Variants in DOCK10 observed in about 807,000 individuals in gnomAD.
DOCK10 encodes dedicator of cytokinesis protein 10.
In DOCK10, 145 loss-of-function variants were observed where a neutral mutation model predicts 280.1. The ratio of observed to expected loss-of-function variants is 0.52; its 90% CI spans 0.45 to 0.59. The LOEUF is 0.59. DOCK10 is among the 20% of genes least tolerant of loss of function. DOCK10 has a pLI of 0.00. For missense variants in DOCK10, 2,368 were observed against 2,651.7 expected, an observed-to-expected ratio of 0.89 and a Z score of 2.35; for synonymous variants, 915 against 942.2, an observed-to-expected ratio of 0.97 and a Z score of 0.53.
At chr2:224,801,734 C>T (rs532716684) in intron 40 of DOCK10, among the ~76,000 whole-genome samples, 182 bp downstream of exon 40, 2 of 152,256 alleles carry the variant, frequency 1.3e-5, no homozygotes, top group South Asian at 4.1e-4. Context: ...TTGCCTCTCC[C>T]CTTTCTTCAC....
chr2:224,932,450 G>T (rs10498172), intron 1 of DOCK10, among the ~76,000 whole-genome samples: 44,505 of 151,938 alleles, frequency 0.29, 7,123 homozygotes, highest in Middle Eastern at 0.36. Flanking sequence ...AACTCATAAG[G>T]TGAGAAAAGT....
chr2:225,001,028 T>A (rs1706417872), intron 1 of DOCK10, among the ~76,000 whole-genome samples: 1 of 152,212 alleles, frequency 6.6e-6, no homozygotes, highest in East Asian at 1.9e-4. Flanking sequence ...GCTAATGATG[T>A]GTTAATTGGA....
intron 3 of DOCK10, among the ~76,000 whole-genome samples, chr2:224,916,406 T>C (rs1186128593): frequency 1.3e-5 from 2 of 152,112 alleles, no homozygotes; most frequent in African/African-American, 2.4e-5. Flanking sequence ...CCAGGTGTGA[T>C]GGCGTGTGCC....
intron 11 of DOCK10, among the ~76,000 whole-genome samples, chr2:224,872,530 C>T (rs1013541504): frequency 6.6e-6 from 1 of 152,074 alleles, no homozygotes; most frequent in Non-Finnish European, 1.5e-5. Context: ...TGCTCTACAC[C>T]TGGGGTAGGA....
rs776173881 is a variant in DOCK10, at chr2:224,773,272, T to G, written c.6089A>C (p.Glu2030Ala). The part of the protein sequence containing the change: ...SQSSTELNPI[E>A]VAIDEMSKKV... ...CTTGGACATCTCGTCAATTGCCACT[T>G]CAATTGGATTCAGTTCTGTGCTCGA... The change falls in exon 53 of 56, where the codon GAA (glutamate) becomes GCA (alanine). Residue 2030 changes from glutamate to alanine, a missense_variant. Around this residue, in one of 2 missense-constraint regions of DOCK10, gnomAD observed 1,159 missense variants for 1,400.8 expected, o/e 0.83. Transcript: ENST00000258390. 1.8e-5 allele frequency: 29 copies of G among 1,613,874 alleles called. No homozygotes were observed. Among genetic ancestry groups the G allele is most frequent in the Non-Finnish European group, 2.4e-5 (28 of 1,179,882 alleles).
intron 11 of DOCK10, among the ~76,000 whole-genome samples, chr2:224,865,929 C>T (rs1438830956): frequency 1.3e-5 from 2 of 151,580 alleles, no homozygotes; most frequent in Admixed American, 1.3e-4. Context: ...TAACAGTCAC[C>T]TATTATAACC....
intron 1 of DOCK10, among the ~76,000 whole-genome samples, chr2:224,974,607 GT>G (rs140045007): frequency 6.6e-6 from 1 of 150,752 alleles, no homozygotes; most frequent in Admixed American, 6.6e-5. Context: ...AAGCATACCA[GT>G]TTTTTTCTAT....
At chr2:224,894,101 T>G (rs776822362) in intron 4 of DOCK10, among the ~76,000 whole-genome samples, 3 of 152,260 alleles carry the variant, frequency 2.0e-5, no homozygotes, top group Non-Finnish European at 4.4e-5. Context: ...TTTCTTGGTA[T>G]TAACTTCCAC....
intron 1 of DOCK10, among the ~76,000 whole-genome samples, chr2:224,984,031 C>T (rs1242448537): frequency 6.6e-6 from 1 of 152,184 alleles, no homozygotes; most frequent in African/African-American, 2.4e-5. Flanking sequence ...GTGGGCTCCT[C>T]TGTTTGTGAA....
intron 7 of DOCK10, among the ~76,000 whole-genome samples, chr2:224,884,058 A>T (rs774517941): frequency 7.2e-5 from 11 of 152,192 alleles, no homozygotes; most frequent in Non-Finnish European, 1.6e-4. Flanking sequence ...TGTGACCAAC[A>T]GTAGAAAATA....
In DOCK10 at chr2:224,765,753, T is replaced by C. The variant is rs1690045328; in HGVS notation, c.6529A>G (p.Thr2177Ala). 6.2e-7 allele frequency: 1 copy of C among 1,613,790 alleles called. No individual in the cohort carries two copies. Among genetic ancestry groups the C allele is most frequent in the African/African-American group, 1.3e-5 (1 of 74,922 alleles). ...TCAGCACTAGATGAGATGGAGACCG[T>C]GGGTAGGGCCGGAGTTGCTTTGCTA... is the stretch of plus-strand genomic sequence containing the variant. ...VISKATPALP[T>A]VSISSSAEV is the part of the protein sequence containing the mutation. The change falls in exon 56 of 56, where the codon ACG becomes GCG. Residue 2177 changes from threonine (T) to alanine (A), a missense_variant. By Grantham distance (58) the Thr-to-Ala change is moderately conservative. Around this residue, in one of 2 missense-constraint regions of DOCK10, gnomAD observed 1,159 missense variants for 1,400.8 expected, o/e 0.83. Coordinates refer to ENST00000258390, the MANE Select transcript of DOCK10 (RefSeq NM_014689.3).
At chr2:225,032,436 A>T (rs879585983) in intron 1 of DOCK10, among the ~76,000 whole-genome samples, 1 of 152,236 alleles carries the variant, frequency 6.6e-6, no homozygotes, top group Non-Finnish European at 1.5e-5. Context: ...GTATGCCAAC[A>T]AACTTTATTA....
At chr2:224,826,417 T>A (rs1354388547) in intron 27 of DOCK10, among the ~76,000 whole-genome samples, 1 of 152,128 alleles carries the variant, frequency 6.6e-6, no homozygotes, top group Non-Finnish European at 1.5e-5. Flanking sequence ...CATTGCACCT[T>A]TTAGAGGACT....
At chr2:224,865,855 T>TCA (rs375471540) in intron 11 of DOCK10, among the ~76,000 whole-genome samples, 25,088 of 148,288 alleles carry the variant, frequency 0.17, 3,405 homozygotes, top group African/African-American at 0.39. Flanking sequence ...TCTCTCTCTC[T>TCA]CACACACACA....
At chr2:224,829,366 T>C (rs1695073381) in intron 27 of DOCK10, among the ~76,000 whole-genome samples, 1 of 152,202 alleles carries the variant, frequency 6.6e-6, no homozygotes, top group South Asian at 2.1e-4. Flanking sequence ...GCACGGGTGC[T>C]TGGTCTGTGG....
intron 4 of DOCK10, among the ~76,000 whole-genome samples, chr2:224,893,880 A>G (rs1483749225): frequency 6.6e-6 from 1 of 152,226 alleles, no homozygotes; most frequent in African/African-American, 2.4e-5. Context: ...GGAAGACCCA[A>G]GTAAATTGTC....
At chr2:224,956,106 G>A (rs964751317) in intron 1 of DOCK10, among the ~76,000 whole-genome samples, 1 of 152,214 alleles carries the variant, frequency 6.6e-6, no homozygotes, top group African/African-American at 2.4e-5. Context: ...GGAGAACATT[G>A]TGTTGGCCAA....
rs1696860535 is a variant in DOCK10, at chr2:224,853,055, C to T, written c.1956G>A (p.Val652=). 2 of 1,611,518 alleles carry T rather than the reference C, an allele frequency of 1.2e-6. No homozygotes were observed. The highest frequency in any genetic ancestry group is 1.7e-6 in the Non-Finnish European group (2 of 1,178,334). The change falls in exon 17 of 56, where the codon GTG becomes GTA. Residue 652 remains valine, a synonymous_variant. Coordinates refer to ENST00000258390, the MANE Select transcript of DOCK10 (RefSeq NM_014689.3). ...FNMMAQTEPT[V]EVEEFVYDST... is the part of the protein sequence containing the mutation. The stretch of plus-strand genomic sequence containing the variant: ...AATCGTAAACAAATTCTTCCACCTC[C>T]ACTGTGGGTTCTGTTTGAGCCATCA...
intron 11 of DOCK10, among the ~76,000 whole-genome samples, chr2:224,865,325 G>A (rs896216688): frequency 2.0e-5 from 3 of 152,104 alleles, no homozygotes; most frequent in Non-Finnish European, 4.4e-5. Context: ...TTACATGCAT[G>A]GTTGGGCCTT....
Sources: allele counts gnomAD v4.1 joint callset (sites outside exome capture counted in the v4.1 genomes callset), GRCh38; gene constraint gnomAD v4.1.1; regional missense constraint gnomAD v4.1.1; transcripts MANE v1.5; gene names NCBI Gene and HGNC (gene_info 2026-07-23, HGNC 2026-07-21).